The following ANKRD12 variants were observed in gnomAD, a reference collection of about 807,000 sequenced individuals.
ANKRD12 encodes ankyrin repeat domain-containing protein 12.
ANKRD12 carries 85 observed loss-of-function variants against 183.4 expected under a neutral mutation model. The observed-to-expected ratio is 0.46, with a 90% CI of 0.39 to 0.56. ANKRD12 has a LOEUF of 0.56. Ranked by LOEUF, ANKRD12 falls within the 20% of genes least tolerant of loss-of-function variation. ANKRD12 has a pLI of 0.00. For missense variants in ANKRD12, 2,405 were observed against 2,357.1 expected (o/e 1.02, Z -0.42); for synonymous variants, 914 against 800.2 (o/e 1.14, Z -2.40).
At chr18:9,216,945 T>C (rs1555623681) in intron 7 of ANKRD12, 45 bp downstream of exon 7, 37 of 1,571,438 alleles carry the variant, frequency 2.4e-5, no homozygotes, top group South Asian at 1.8e-4. Context: ...TTGCAAAATA[T>C]AAATTCAACC....
intron 8 of ANKRD12, among the ~76,000 whole-genome samples, chr18:9,246,751 T>G (rs767382283): frequency 6.6e-6 from 1 of 152,244 alleles, no homozygotes; most frequent in African/African-American, 2.4e-5. Context: ...GTCTCTTTTT[T>G]GTAGGCAGTG....
chr18:9,268,445 T>G (rs1166226972), intron 10 of ANKRD12, among the ~76,000 whole-genome samples: 3 of 152,206 alleles, frequency 2.0e-5, no homozygotes, highest in Admixed American at 6.5e-5. Context: ...GCTTCATCCC[T>G]GGGATGCAAG....
chr18:9,283,039 A>T lies in ANKRD12; in HGVS notation c.*1913A>T, dbSNP rs1215473524. The T allele has an allele frequency of 6.6e-6, 1 of 152,614 alleles. No individual in the cohort carries two copies. Among genetic ancestry groups the T allele is most frequent in the Non-Finnish European group, 1.5e-5 (1 of 68,008 alleles). 9.5% of individuals were successfully genotyped at this position (152,614 alleles called of 1,614,324 possible). On this transcript the variant is annotated 3_prime_UTR_variant, in exon 13 of 13. Transcript: ENST00000262126. ...TTAAGCCTGGGAACATTAAAAGCTA[A>T]TTTATAAAAGCAATACTTTTTAATA... is the stretch of plus-strand genomic sequence containing the variant.
chr18:9,244,020 G>A (rs1183148394), intron 8 of ANKRD12, among the ~76,000 whole-genome samples: 2 of 152,082 alleles, frequency 1.3e-5, no homozygotes, highest in Non-Finnish European at 2.9e-5. Flanking sequence ...TATAATCTCA[G>A]CTACTTGGGA....
At chr18:9,184,521 T>G (rs531479503) in intron 2 of ANKRD12, among the ~76,000 whole-genome samples, 1 of 151,968 alleles carries the variant, frequency 6.6e-6, no homozygotes, top group Non-Finnish European at 1.5e-5. Flanking sequence ...GCCTCCTGAG[T>G]AGCTGAGACC....
At chr18:9,194,327 TTTTATTTA>T (rs139857271) in intron 2 of ANKRD12, among the ~76,000 whole-genome samples, 79,292 of 144,242 alleles carry the variant, frequency 0.55, 23,359 homozygotes, top group Middle Eastern at 0.66. Flanking sequence ...ATATAGATAA[TTTTATTTA>T]TTTATTTATT....
chr18:9,173,692 G>T (rs1416190273), intron 1 of ANKRD12, among the ~76,000 whole-genome samples: 1 of 151,800 alleles, frequency 6.6e-6, no homozygotes, highest in African/African-American at 2.4e-5. Flanking sequence ...GGAGATCCCC[G>T]TTAGGAGGTC....
chr18:9,161,136 T>G (rs566759966), intron 1 of ANKRD12, among the ~76,000 whole-genome samples: 1 of 152,042 alleles, frequency 6.6e-6, no homozygotes, highest in Non-Finnish European at 1.5e-5. Flanking sequence ...TTCCTTAAAT[T>G]TTTTAAAAAC....
In ANKRD12 at chr18:9,257,985, C is replaced by T; in HGVS notation, c.4718C>T (p.Ser1573Leu). ...VYSDSTIQEASPNFEKAYTLP... is the reference protein window; with the variant it reads ...VYSDSTIQEALPNFEKAYTLP... ...TCTGACAGCACTATTCAAGAAGCAT[C>T]ACCAAACTTTGAGAAAGCTTATACT... Residue 1573 changes from serine to leucine, a missense_variant, in exon 9 of 13, where the codon TCA (serine) becomes TTA (leucine). Physicochemically the swap from Ser to Leu is moderately radical, Grantham distance 145. Around this residue, in one of 7 missense-constraint regions of ANKRD12, gnomAD observed 1,983 missense variants for 1,725.9 expected, o/e 1.15. Coordinates refer to ENST00000262126, the MANE Select transcript of ANKRD12 (RefSeq NM_015208.5). 1 of 1,613,764 alleles carries T rather than the reference C, an allele frequency of 6.2e-7. No homozygotes were observed. The highest frequency in any genetic ancestry group is 8.5e-7 in the Non-Finnish European group (1 of 1,179,916).
rs371530963 is a variant in ANKRD12, at chr18:9,280,649, C to T, written c.6004-292C>T. ...AAGAAAAATACAAAAATTAGCTGGG[C>T]GTGGTGGCACATGCCTGTAGTCTCA... On this transcript the variant is annotated intron_variant, in intron 12 of 12. Coordinates refer to ENST00000262126, the MANE Select transcript of ANKRD12 (RefSeq NM_015208.5). 1.9e-4 allele frequency among the ~76,000 whole-genome samples: 29 copies of T among 152,178 alleles called. No individual in the cohort carries two copies. The Middle Eastern group carries it at 0.014, about 71-fold the overall frequency.
chr18:9,219,376 A>G (rs889142830), intron 7 of ANKRD12, among the ~76,000 whole-genome samples: 7 of 152,230 alleles, frequency 4.6e-5, no homozygotes, highest in African/African-American at 1.7e-4. Flanking sequence ...TATTTCAGTT[A>G]CTTTCTCAAA....
At chr18:9,247,662 T>G (rs758841013) in intron 8 of ANKRD12, among the ~76,000 whole-genome samples, 33 of 152,338 alleles carry the variant, frequency 2.2e-4, no homozygotes, top group African/African-American at 1.4e-4. Flanking sequence ...TCTATAGATA[T>G]TCCCCCTCCT....
intron 1 of ANKRD12, among the ~76,000 whole-genome samples, chr18:9,156,150 A>AAG (rs1555707189): frequency 2.0e-5 from 3 of 151,038 alleles, no homozygotes; most frequent in African/African-American, 7.3e-5. Flanking sequence ...AAAAAAAAAA[A>AAG]AAAAAGAAAA....
chr18:9,256,461 C>T lies in ANKRD12; in HGVS notation c.3194C>T (p.Pro1065Leu). Residue 1065 changes from proline to leucine, a missense_variant, in exon 9 of 13, where the codon CCT (proline) becomes CTT (leucine). Around this residue, in one of 7 missense-constraint regions of ANKRD12, gnomAD observed 1,983 missense variants for 1,725.9 expected, o/e 1.15. Coordinates refer to ENST00000262126, the MANE Select transcript of ANKRD12 (RefSeq NM_015208.5). ...TCACCAGCATCAAAAGATACCCGAC[C>T]TAAAGAAAAGAGGTTAGTGAATGAT... Reference protein sequence around the residue: ...KSSPASKDTRPKEKRLVNDDL... With the variant: ...KSSPASKDTRLKEKRLVNDDL... 1 of 1,613,390 alleles carries T rather than the reference C, an allele frequency of 6.2e-7. No homozygotes were observed. The highest frequency in any genetic ancestry group is 8.5e-7 in the Non-Finnish European group (1 of 1,179,824).
In ANKRD12 at chr18:9,283,044, T is replaced by C. The variant is rs2145528232; in HGVS notation, c.*1918T>C. 6.5e-6 allele frequency: 1 copy of C among 152,722 alleles called. No individual in the cohort carries two copies. The highest frequency in any genetic ancestry group is 1.9e-4 in the East Asian group (1 of 5,192). The allele number at this position is 152,722 out of a possible 1,614,324, so 9.5% of individuals were successfully genotyped here. A position where few individuals can be genotyped will look rare whatever the true frequency, so the allele number is the denominator to read the frequency against. On this transcript the variant is annotated 3_prime_UTR_variant, in exon 13 of 13. Coordinates refer to ENST00000262126, the MANE Select transcript of ANKRD12 (RefSeq NM_015208.5). ...CCTGGGAACATTAAAAGCTAATTTA[T>C]AAAAGCAATACTTTTTAATATGAAA...
intron 6 of ANKRD12, among the ~76,000 whole-genome samples, chr18:9,215,544 C>G (rs1020840940): frequency 3.3e-5 from 5 of 152,056 alleles, no homozygotes; most frequent in Non-Finnish European, 7.4e-5. Context: ...CTAAACCAGC[C>G]TCTAATTAGA....
At chr18:9,263,184 T>C (rs2039082735) in intron 9 of ANKRD12, among the ~76,000 whole-genome samples, 1 of 152,140 alleles carries the variant, frequency 6.6e-6, no homozygotes, top group Non-Finnish European at 1.5e-5. Context: ...ACCTCTCTTC[T>C]GGGTTTGTAG....
intron 1 of ANKRD12, among the ~76,000 whole-genome samples, chr18:9,156,150 A>AAAAG (rs1555707190): frequency 1.3e-5 from 2 of 151,038 alleles, no homozygotes; most frequent in Non-Finnish European, 3.0e-5. Context: ...AAAAAAAAAA[A>AAAAG]AAAAAGAAAA....
intron 1 of ANKRD12, among the ~76,000 whole-genome samples, chr18:9,169,439 T>G (rs1393902576): frequency 6.6e-6 from 1 of 152,256 alleles, no homozygotes; most frequent in African/African-American, 2.4e-5. Flanking sequence ...TCTCTTCTTG[T>G]TGAATTGATC....
Sources: gnomAD v4.1 joint callset for allele counts (sites outside exome capture counted in the v4.1 genomes callset) on GRCh38, gnomAD v4.1.1 for gene constraint, gnomAD v4.1.1 regional missense constraint, MANE v1.5 for transcripts, NCBI Gene and HGNC (gene_info 2026-07-23, HGNC 2026-07-21) for gene names.